Variants in ERC1 observed in about 807,000 individuals in gnomAD.
The protein encoded by ERC1 is RAB6 interacting protein 2.
Under a neutral mutation model 132.0 loss-of-function variants are expected in ERC1, and 56 were observed. The observed-to-expected ratio is 0.42, with a 90% CI of 0.34 to 0.53. The LOEUF (loss-of-function observed/expected upper bound fraction) is 0.53, where lower values mean the gene tolerates loss of function less well. Ranked by LOEUF, ERC1 falls within the 20% of genes least tolerant of loss-of-function variation. ERC1 has a pLI of 0.03. For synonymous variants in ERC1, 478 were observed against 476.1 expected, an observed-to-expected ratio of 1.00 and a Z score of -0.05; for missense variants, 1,202 against 1,349.9, an observed-to-expected ratio of 0.89 and a Z score of 1.72.
chr12:1,296,401 C>CTTTTTTTTTTTTTTTTTTTTT (rs57458560), intron 15 of ERC1, among the ~76,000 whole-genome samples: 3 of 76,206 alleles, frequency 3.9e-5, no homozygotes, highest in Non-Finnish European at 7.1e-5. Context: ...ATTGGATAGT[C>CTTTTTTTTTTTTTTTTTTTTT]TTTTTTTTTT....
intron 16 of ERC1, chr12:1,380,899 AG>A (rs2154378281): frequency 6.6e-6 from 1 of 152,390 alleles, no homozygotes; most frequent in East Asian, 1.9e-4. Context: ...TTAAATAGCA[AG>A]TATCGCAGCA....
chr12:1,219,690 G>T (rs1200381311), intron 12 of ERC1, among the ~76,000 whole-genome samples: 1 of 146,682 alleles, frequency 6.8e-6, no homozygotes, highest in Admixed American at 6.9e-5. Flanking sequence ...GGCTAGAGTA[G>T]CCTGGCGTAA....
chr12:1,400,908 ATTTTTGTAT>A lies in ERC1; in HGVS notation c.2926-7235_2926-7227del, dbSNP rs1566774733. On this transcript the variant is annotated intron_variant, in intron 16 of 18. Transcript: ENST00000360905. ...CTTCTCATTCAATATTGTTTTGGCT[ATTTTTGTAT>A]TTTTTTTTTTTTTTTTTTTTTTTTT... Among the ~76,000 whole-genome samples, 16 of 43,408 alleles carry A rather than the reference ATTTTTGTAT, an allele frequency of 3.7e-4. 1 individual carries two copies. Among genetic ancestry groups the A allele is most frequent in the South Asian group, 6.8e-4 (1 of 1,476 alleles). The allele number at this position is 43,408 out of a possible 152,430, so 28.5% of individuals were successfully genotyped here.
At chr12:1,456,206 A>G (rs1317719685) in intron 18 of ERC1, among the ~76,000 whole-genome samples, 1 of 152,220 alleles carries the variant, frequency 6.6e-6, no homozygotes, top group East Asian at 1.9e-4. Context: ...TCTGCAGTCA[A>G]AGTATCCTAA....
At chr12:1,346,904 T>C (rs2084519530) in intron 15 of ERC1, among the ~76,000 whole-genome samples, 1 of 143,252 alleles carries the variant, frequency 7.0e-6, no homozygotes, top group Admixed American at 7.3e-5. Context: ...ATTGCGCCAC[T>C]GCAGTCCGCA....
intron 18 of ERC1, among the ~76,000 whole-genome samples, chr12:1,479,248 T>A (rs1005296817): frequency 6.6e-6 from 1 of 152,160 alleles, no homozygotes; most frequent in African/African-American, 2.4e-5. Flanking sequence ...TTGGTGGCCG[T>A]CTTGGCTGTT....
At chr12:1,302,525 C>T (rs1213032861) in intron 15 of ERC1, among the ~76,000 whole-genome samples, 1 of 152,124 alleles carries the variant, frequency 6.6e-6, no homozygotes, top group African/African-American at 2.4e-5. Context: ...AAAGAAAATT[C>T]TAAAACGTAT....
chr12:1,487,539 T>TA (rs77723832), intron 18 of ERC1, among the ~76,000 whole-genome samples: 2 of 130,846 alleles, frequency 1.5e-5, no homozygotes, highest in Non-Finnish European at 3.3e-5. Flanking sequence ...ACCGCACCTC[T>TA]AAAAAAGAAA....
At chr12:1,327,942 CTT>C (rs565997812) in intron 15 of ERC1, among the ~76,000 whole-genome samples, 1 of 152,100 alleles carries the variant, frequency 6.6e-6, no homozygotes, top group Non-Finnish European at 1.5e-5. Flanking sequence ...TTCCTAACAA[CTT>C]TTTTTCCCTT....
At chr12:1,411,491 G>T (rs1377895010) in intron 17 of ERC1, among the ~76,000 whole-genome samples, 1 of 152,004 alleles carries the variant, frequency 6.6e-6, no homozygotes, top group Non-Finnish European at 1.5e-5. Flanking sequence ...TGCGCTGTGA[G>T]GTGGGAAGCT....
intron 13 of ERC1, chr12:1,244,497 GGTTTGTTTGTTTGTTT>G (rs71055140): frequency 2.2e-4 from 98 of 442,384 alleles, no homozygotes; most frequent in Middle Eastern, 7.2e-4. Context: ...TGTACTTAAT[GGTTTGTTTGTTTGTTT>G]GTTTGTTTGT....
intron 4 of ERC1, among the ~76,000 whole-genome samples, chr12:1,107,496 A>G (rs1049606581): frequency 6.6e-6 from 1 of 152,194 alleles, no homozygotes; most frequent in South Asian, 2.1e-4. Context: ...GAGTGAGGGT[A>G]TGACAGGCCA....
At chr12:1,116,958 G>A (rs941310163) in intron 7 of ERC1, among the ~76,000 whole-genome samples, 1 of 152,154 alleles carries the variant, frequency 6.6e-6, no homozygotes, top group African/African-American at 2.4e-5. Context: ...CTTCAGATAG[G>A]TATATGACTT....
At chr12:1,024,761 G>C (rs1966829086) in intron 1 of ERC1, among the ~76,000 whole-genome samples, 1 of 148,982 alleles carries the variant, frequency 6.7e-6, no homozygotes, top group African/African-American at 2.5e-5. Flanking sequence ...AGTTTAGTGG[G>C]TTCTGCATCC....
chr12:1,282,390 A>T (rs1372966335), intron 14 of ERC1, among the ~76,000 whole-genome samples: 1 of 152,200 alleles, frequency 6.6e-6, no homozygotes, highest in African/African-American at 2.4e-5. Context: ...GAGACAATAC[A>T]TCTAAAGCAC....
intron 2 of ERC1, 83 bp from the exon 3 acceptor site, chr12:1,083,081 A>AT: frequency 8.4e-7 from 1 of 1,186,402 alleles, no homozygotes; most frequent in Non-Finnish European, 1.2e-6. Flanking sequence ...TCTTGTAGCT[A>AT]TTTTTGATTC....
intron 1 of ERC1, among the ~76,000 whole-genome samples, chr12:995,410 G>T (rs762228285): frequency 1.3e-5 from 2 of 152,116 alleles, no homozygotes; most frequent in Non-Finnish European, 2.9e-5. Context: ...ATTTGTTGGT[G>T]GTTGTTTGCG....
chr12:1,371,806 G>A (rs370862152), intron 15 of ERC1, 27 bp from the exon 16 acceptor site: 658 of 1,608,700 alleles, frequency 4.1e-4, no homozygotes, highest in Non-Finnish European at 5.4e-4. Context: ...GGTGAATGGC[G>A]CTGTTGGCAT....
chr12:1,484,891 C>CTTTTT (rs57684164), intron 18 of ERC1, among the ~76,000 whole-genome samples: 14 of 149,740 alleles, frequency 9.3e-5, no homozygotes, highest in African/African-American at 3.0e-4. Flanking sequence ...TCTTGTTTTT[C>CTTTTT]TTTTTTTGAG....
Sources: gnomAD v4.1 joint callset for allele counts (sites outside exome capture counted in the v4.1 genomes callset) on GRCh38, gnomAD v4.1.1 for gene constraint, MANE v1.5 for transcripts, NCBI Gene and HGNC (gene_info 2026-07-23, HGNC 2026-07-21) for gene names.